Variants in LURAP1L observed in about 807,000 individuals in gnomAD.
LURAP1L encodes leucine rich adaptor protein 1 like.
A neutral mutation model predicts 13.8 loss-of-function variants in LURAP1L; 12 were observed. The ratio of observed to expected loss-of-function variants is 0.87; its 90% CI spans 0.56 to 1.41. LURAP1L has a LOEUF of 1.41. Ranked by LOEUF, LURAP1L falls within the 40% of genes most tolerant of loss-of-function variation. LURAP1L has a pLI of 0.00. For missense variants in LURAP1L, 375 were observed against 292.9 expected, an observed-to-expected ratio of 1.28 and a Z score of -2.04; for synonymous variants, 139 against 119.2, an observed-to-expected ratio of 1.17 and a Z score of -1.08.
At position 12,775,766 on chromosome 9, in the gene LURAP1L, G is replaced by A. The variant is rs1819163159; in HGVS notation, c.51G>A (p.Gly17=). 2.5e-6 allele frequency: 4 copies of A among 1,607,818 alleles called. No homozygotes were observed. The highest frequency in any genetic ancestry group is 3.4e-6 in the Non-Finnish European group (4 of 1,178,028). ...TCAGAGACATCGAGCTGAAGCTGGG[G>A]CGCAAAGTACCCGAGAGTCTAGTGC... ...PDLRDIELKL[G]RKVPESLVRS... is the part of the protein sequence containing the mutation. The change falls in exon 1 of 2, where the codon GGG becomes GGA. Residue 17 remains glycine (G), a synonymous_variant. Transcript: ENST00000319264.
At chr9:12,811,056 A>G (rs569585319) in intron 1 of LURAP1L, among the ~76,000 whole-genome samples, 5 of 152,330 alleles carry the variant, frequency 3.3e-5, no homozygotes, top group African/African-American at 1.2e-4. Context: ...TAACCTGTGA[A>G]AAAGAATTAA....
intron 1 of LURAP1L, among the ~76,000 whole-genome samples, chr9:12,811,839 C>T (rs1253693189): frequency 6.6e-6 from 1 of 152,166 alleles, no homozygotes; most frequent in African/African-American, 2.4e-5. Flanking sequence ...CAAGTGAAGG[C>T]CCCTGGATCG....
rs534692495 is a variant in LURAP1L at position 12,813,652 on chromosome 9, C to CA, written c.313-7727dup. 6.4e-4 allele frequency among the ~76,000 whole-genome samples: 97 copies of CA among 151,818 alleles called. 1 individual carries two copies. Among genetic ancestry groups the CA allele is most frequent in the African/African-American group, 2.2e-3 (93 of 41,440 alleles). ...CTAGTTATTACATTTCCAATAGTGC[C>CA]AAAAAAAGGAAATATTCTCCATGTA... is the stretch of plus-strand genomic sequence containing the variant. On this transcript the variant is annotated intron_variant, in intron 1 of 1. Transcript: ENST00000319264.
intron 1 of LURAP1L, among the ~76,000 whole-genome samples, chr9:12,781,395 T>TC (rs1350366814): frequency 1.3e-5 from 2 of 152,066 alleles, no homozygotes; most frequent in South Asian, 2.1e-4. Flanking sequence ...CCATTCCACT[T>TC]CCCCCCAGCT....
intron 1 of LURAP1L, among the ~76,000 whole-genome samples, chr9:12,804,883 C>G (rs1191509992): frequency 6.6e-6 from 1 of 152,038 alleles, no homozygotes; most frequent in Non-Finnish European, 1.5e-5. Context: ...TGGCGACTCA[C>G]TACCTAAATC....
At chr9:12,808,407 T>C (rs1046739670) in intron 1 of LURAP1L, among the ~76,000 whole-genome samples, 3 of 152,126 alleles carry the variant, frequency 2.0e-5, no homozygotes, top group African/African-American at 7.2e-5. Context: ...ATTAAGTACA[T>C]TCACATTGTT....
chr9:12,796,394 A>T (rs1270633318), intron 1 of LURAP1L, among the ~76,000 whole-genome samples: 2 of 152,040 alleles, frequency 1.3e-5, no homozygotes, highest in Non-Finnish European at 2.9e-5. Context: ...ATTATAATTT[A>T]TAACTTGTAT....
At chr9:12,795,586 A>G (rs1395804714) in intron 1 of LURAP1L, among the ~76,000 whole-genome samples, 34 of 152,000 alleles carry the variant, frequency 2.2e-4, no homozygotes, top group Non-Finnish European at 4.9e-4. Context: ...TGTTGGAGTT[A>G]ATGAGAACAA....
chr9:12,781,394 T>A (rs1056681191), intron 1 of LURAP1L, among the ~76,000 whole-genome samples: 6 of 152,178 alleles, frequency 3.9e-5, no homozygotes, highest in Admixed American at 2.6e-4. Context: ...ACCATTCCAC[T>A]TCCCCCCAGC....
chr9:12,800,607 G>C (rs2118511796), intron 1 of LURAP1L, among the ~76,000 whole-genome samples: 2 of 151,938 alleles, frequency 1.3e-5, no homozygotes, highest in South Asian at 2.1e-4. Flanking sequence ...AAATTTCTGA[G>C]CAAGAATCAT....
At chr9:12,801,763 A>C (rs989683912) in intron 1 of LURAP1L, among the ~76,000 whole-genome samples, 2 of 152,226 alleles carry the variant, frequency 1.3e-5, no homozygotes, top group Non-Finnish European at 2.9e-5. Flanking sequence ...AAAAGGGAGA[A>C]TAACTCAAAA....
chr9:12,784,104 T>C (rs1334821558), intron 1 of LURAP1L, among the ~76,000 whole-genome samples: 2 of 152,176 alleles, frequency 1.3e-5, no homozygotes, highest in Non-Finnish European at 2.9e-5. Flanking sequence ...TTTCTCTCTG[T>C]TATCTTGATT....
At chr9:12,789,095 A>G (rs1277243433) in intron 1 of LURAP1L, among the ~76,000 whole-genome samples, 8 of 151,276 alleles carry the variant, frequency 5.3e-5, no homozygotes, top group Non-Finnish European at 1.5e-5. Flanking sequence ...CCCCCCAAAA[A>G]AAAAAGAAAA....
intron 1 of LURAP1L, among the ~76,000 whole-genome samples, chr9:12,794,327 G>T (rs904010733): frequency 6.6e-6 from 1 of 151,894 alleles, no homozygotes; most frequent in East Asian, 1.9e-4. Flanking sequence ...AAGACAAATG[G>T]ATTCTATTTG....
chr9:12,775,538 G>A lies in LURAP1L; in HGVS notation c.-178G>A. On this transcript the variant is annotated 5_prime_UTR_variant, in exon 1 of 2. The change creates a new upstream start codon in the 5' untranslated region. Transcript: ENST00000319264. ...CTGCAGCTGCGACCCCCCGCGTCCT[G>A]TGCGGATTTCAGGGCTGATACCGCA... 3.0e-6 allele frequency: 3 copies of A among 991,578 alleles called. No individual in the cohort carries two copies. Among genetic ancestry groups the A allele is most frequent in the East Asian group, 6.1e-5 (2 of 33,024 alleles). 61.4% of individuals were successfully genotyped at this position (991,578 alleles called of 1,614,324 possible).
chr9:12,800,464 T>C (rs1360264015), intron 1 of LURAP1L, among the ~76,000 whole-genome samples: 2 of 151,962 alleles, frequency 1.3e-5, no homozygotes, highest in African/African-American at 4.8e-5. Flanking sequence ...TCCAACTGAC[T>C]GGGATACCAT....
At chr9:12,777,299 T>C in intron 1 of LURAP1L, 4 of 985,248 alleles carry the variant, frequency 4.1e-6, no homozygotes, top group Non-Finnish European at 4.8e-6. Flanking sequence ...AAAGATAAAA[T>C]GGAAAAGATG....
chr9:12,802,065 T>C (rs577677583), intron 1 of LURAP1L, among the ~76,000 whole-genome samples: 2 of 152,210 alleles, frequency 1.3e-5, no homozygotes, highest in South Asian at 2.1e-4. Context: ...GAAGGAGATA[T>C]ACATAATAAA....
intron 1 of LURAP1L, among the ~76,000 whole-genome samples, chr9:12,783,520 G>T (rs1432226838): frequency 6.6e-6 from 1 of 152,152 alleles, no homozygotes; most frequent in Non-Finnish European, 1.5e-5. Context: ...ATTTGCATAT[G>T]TTGAACAGTC....
Sources: gnomAD v4.1 joint callset for allele counts (sites outside exome capture counted in the v4.1 genomes callset) on GRCh38, gnomAD v4.1.1 for gene constraint, MANE v1.5 for transcripts, NCBI Gene and HGNC (gene_info 2026-07-23, HGNC 2026-07-21) for gene names.